The following ZNF717 variants were observed in gnomAD, a reference collection of about 807,000 sequenced individuals.
The protein encoded by ZNF717 is zinc finger protein 717.
Under a neutral mutation model 13.8 loss-of-function variants are expected in ZNF717, and 9 were observed. The ratio of observed to expected loss-of-function variants is 0.65; its 90% CI spans 0.39 to 1.14. The LOEUF is 1.14. Among genes scored for constraint, ZNF717 ranks in the 50% most tolerant of loss-of-function variants. The pLI is 0.01. For synonymous variants in ZNF717, 327 were observed against 364.1 expected (o/e 0.90, Z 1.16); for missense variants, 1,040 against 1,080.7 (o/e 0.96, Z 0.53).
chr3:75,751,951 G>A (rs1941865607), intron 2 of ZNF717, among the ~76,000 whole-genome samples: 1 of 151,892 alleles, frequency 6.6e-6, no homozygotes, highest in Non-Finnish European at 1.5e-5. Flanking sequence ...CCCTCACATG[G>A]GATTCCAGAA....
chr3:75,714,539 G>A (rs1402991165), intron 5 of ZNF717, among the ~76,000 whole-genome samples: 1 of 151,744 alleles, frequency 6.6e-6, no homozygotes, highest in Non-Finnish European at 1.5e-5. Context: ...TCTATATCTA[G>A]TATAGCTATT....
chr3:75,743,166 G>A (rs1460599684), intron 2 of ZNF717, among the ~76,000 whole-genome samples: 3 of 152,168 alleles, frequency 2.0e-5, no homozygotes, highest in Admixed American at 6.6e-5. Context: ...GCATTTCTCA[G>A]AAAGTAATCC....
chr3:75,699,756 T>C (rs1937648528), intron 6 of ZNF717, among the ~76,000 whole-genome samples: 1 of 152,420 alleles, frequency 6.6e-6, no homozygotes, highest in South Asian at 2.1e-4. Flanking sequence ...AATGGCCTAA[T>C]ACATCCACCA....
chr3:75,733,788 A>AAAAAG (rs1938815383), downstream of ZNF717, among the ~76,000 whole-genome samples: 1 of 150,520 alleles, frequency 6.6e-6, no homozygotes, highest in Non-Finnish European at 1.5e-5. Context: ...CAAAAAAAAA[A>AAAAAG]AAAAAAAAAA....
At chr3:75,740,169 G>A (rs1351216218) in intron 4 of ZNF717, among the ~76,000 whole-genome samples, 4 of 152,118 alleles carry the variant, frequency 2.6e-5, no homozygotes, top group African/African-American at 7.2e-5. Context: ...TTTTTGAAGG[G>A]TTTTATTTTG....
At chr3:75,709,263 G>C (rs1575715057), downstream of ZNF717, among the ~76,000 whole-genome samples, 1 of 152,034 alleles carries the variant, frequency 6.6e-6, no homozygotes, top group Non-Finnish European at 1.5e-5. Flanking sequence ...GCCTCCCCAA[G>C]TGCTGGGGTT....
intron 1 of ZNF717, among the ~76,000 whole-genome samples, chr3:75,784,620 A>G (rs1274838428): frequency 2.6e-5 from 4 of 152,244 alleles, no homozygotes; most frequent in African/African-American, 9.6e-5. Context: ...GCCCCTTCAA[A>G]TAAGGAATAT....
In ZNF717 at chr3:75,783,371, G is replaced by C. The variant is rs563659970; in HGVS notation, c.-2-7C>G. 2 of 1,550,542 alleles carry C rather than the reference G, an allele frequency of 1.3e-6. No individual in the cohort carries two copies. The highest frequency in any genetic ancestry group is 1.7e-6 in the Non-Finnish European group (2 of 1,146,134). ...GAGAACACTGGAAACATAGCTGAGA[G>C]AGAAGGCAAATGACGTGAATTAAGG... On this transcript the variant is annotated splice_region_variant and splice_polypyrimidine_tract_variant and intron_variant, in intron 1 of 4. Transcript: ENST00000652011.
intron 2 of ZNF717, among the ~76,000 whole-genome samples, chr3:75,753,890 C>T (rs1298504714): frequency 4.6e-5 from 7 of 151,920 alleles, no homozygotes; most frequent in Admixed American, 2.6e-4. Flanking sequence ...GTTTGTCCCT[C>T]ACATAGGATT....
intron 6 of ZNF717, among the ~76,000 whole-genome samples, chr3:75,701,960 T>C (rs1254816951): frequency 1.3e-5 from 2 of 152,304 alleles, no homozygotes; most frequent in Non-Finnish European, 2.9e-5. Context: ...TTAAGGTTGT[T>C]TTTATACAGA....
downstream of ZNF717, chr3:75,732,037 G>A (rs1264017677): frequency 1.2e-4 from 85 of 702,540 alleles, no homozygotes; most frequent in East Asian, 2.2e-3. Context: ...AGTTATGAGG[G>A]AGCATAATAT....
At chr3:75,770,351 G>A (rs1370936907) in intron 2 of ZNF717, among the ~76,000 whole-genome samples, 4 of 152,100 alleles carry the variant, frequency 2.6e-5, no homozygotes, top group East Asian at 3.9e-4. Flanking sequence ...ACCTGAGGTC[G>A]GGAGTTCGAG....
At chr3:75,709,002 CTTTTCTTTTT>C (rs1271178786), downstream of ZNF717, among the ~76,000 whole-genome samples, 6 of 149,702 alleles carry the variant, frequency 4.0e-5, no homozygotes, top group African/African-American at 9.8e-5. Flanking sequence ...TTTTCTTTTT[CTTTTCTTTTT>C]TTTTTTTAGA....
At chr3:75,730,506 A>T (rs1938467084) in exon 6 of ZNF717, 1 of 616,016 alleles carries the variant, frequency 1.6e-6, no homozygotes, top group East Asian at 3.0e-5. Context: ...TATGATGGCC[A>T]GAAGTGATAC....
intron 2 of ZNF717, among the ~76,000 whole-genome samples, chr3:75,742,339 A>AAAAAAAAAAAAAAAAG (rs751643617): frequency 7.3e-6 from 1 of 137,372 alleles, no homozygotes; most frequent in African/African-American, 2.8e-5. Context: ...AAAAAAAAAA[A>AAAAAAAAAAAAAAAAG]GAATAAAATT....
chr3:75,768,497 A>ACAGGCCACC lies in ZNF717; in HGVS notation c.57+14800_57+14808dup, dbSNP rs1389764704. On this transcript the variant is annotated intron_variant, in intron 2 of 4. Transcript: ENST00000652011. ...GGTTGAGTGTGTGCGGGGGCAGATGACAGGCCACCACAACCTCATTCAGTC... is the reference window on the plus strand; with the variant it reads ...GGTTGAGTGTGTGCGGGGGCAGATGACAGGCCACCCAGGCCACCACAACCTCATTCAGTC... 2.0e-5 allele frequency among the ~76,000 whole-genome samples: 3 copies of ACAGGCCACC among 149,078 alleles called. No homozygotes were observed. In the East Asian group the frequency reaches 6.0e-4, roughly 30 times the overall value.
rs1438003885 is a variant in ZNF717, at chr3:75,738,041, T to C, written c.1582A>G (p.Thr528Ala). The C allele has an allele frequency of 1.3e-5, 18 of 1,342,364 alleles. No homozygotes were observed. The highest frequency in any genetic ancestry group is 1.7e-5 in the Non-Finnish European group (17 of 1,006,254). The allele number at this position is 1,342,364 out of a possible 1,614,324, so 83.2% of individuals were successfully genotyped here. A position where few individuals can be genotyped will look rare whatever the true frequency, so the allele number is the denominator to read the frequency against. ...CKSFLTVHQR[T>A]HAGEKPYACN... ...GCGTATGGTTTTTCCCCAGCATGAG[T>C]TCTCTGATGGACAGTGAGGAATGAC... Residue 528 changes from threonine to alanine, a missense_variant, in exon 5 of 5, where the codon ACT becomes GCT. Thr to Ala is a moderately conservative substitution (Grantham distance 58). Coordinates refer to ENST00000652011, the MANE Select transcript of ZNF717 (RefSeq NM_001290208.3).
chr3:75,773,195 T>C (rs80224404), intron 2 of ZNF717, among the ~76,000 whole-genome samples: 1 of 151,528 alleles, frequency 6.6e-6, no homozygotes, highest in Non-Finnish European at 1.5e-5. Flanking sequence ...CATGCTTAGG[T>C]AGGAAAAAAA....
At chr3:75,722,561 T>C (rs2106868528) in intron 4 of ZNF717, among the ~76,000 whole-genome samples, 1 of 152,172 alleles carries the variant, frequency 6.6e-6, no homozygotes. Context: ...ATGCCTATAA[T>C]CCCAGCACTT....
Sources: gnomAD v4.1 joint callset for allele counts (sites outside exome capture counted in the v4.1 genomes callset) on GRCh38, gnomAD v4.1.1 for gene constraint, MANE v1.5 for transcripts, NCBI Gene and HGNC (gene_info 2026-07-23, HGNC 2026-07-21) for gene names.